Variants in MKX observed in about 807,000 individuals in gnomAD.
MKX encodes homeobox protein Mohawk.
In MKX, 13 loss-of-function variants were observed where a neutral mutation model predicts 36.0. The ratio of observed to expected loss-of-function variants is 0.36; its 90% CI spans 0.24 to 0.57. The LOEUF (loss-of-function observed/expected upper bound fraction) is 0.57. Ranked by LOEUF, MKX falls within the 20% of genes least tolerant of loss-of-function variation. MKX has a pLI of 0.79. For synonymous variants in MKX, 176 were observed against 178.3 expected, an observed-to-expected ratio of 0.99 and a Z score of 0.10; for missense variants, 458 against 456.4, an observed-to-expected ratio of 1.00 and a Z score of -0.03.
chr10:27,698,183 T>G (rs531113745), intron 5 of MKX, among the ~76,000 whole-genome samples: 1 of 152,300 alleles, frequency 6.6e-6, no homozygotes, highest in East Asian at 1.9e-4. Context: ...AAAGGGCAGC[T>G]GGAAAATGAA....
At chr10:27,694,673 C>T (rs369637921) in intron 5 of MKX, among the ~76,000 whole-genome samples, 8 of 130,036 alleles carry the variant, frequency 6.2e-5, no homozygotes, top group East Asian at 2.1e-4. Flanking sequence ...CCAGCCTGGG[C>T]GACAGAGCGA....
At chr10:27,712,348 A>G (rs768666520) in intron 5 of MKX, among the ~76,000 whole-genome samples, 2 of 152,160 alleles carry the variant, frequency 1.3e-5, no homozygotes, top group Non-Finnish European at 2.9e-5. Context: ...CCTTATAAGG[A>G]AGGTGAAGGG....
chr10:27,745,232 C>G lies in MKX; in HGVS notation c.-83+475G>C, dbSNP rs527618589. Among the ~76,000 whole-genome samples, 10 of 152,278 alleles carry G rather than the reference C, an allele frequency of 6.6e-5. No individual in the cohort carries two copies. The South Asian group carries it at 1.9e-3, about 28-fold the overall frequency. ...GACACTTCCCCGGCAGCCCCAAGCC[C>G]ACGCAGAGATCGCAGACACAGACAC... is the stretch of plus-strand genomic sequence containing the variant. On this transcript the variant is annotated intron_variant, in intron 1 of 6. Transcript: ENST00000419761.
At chr10:27,701,786 A>G (rs947632872) in intron 5 of MKX, among the ~76,000 whole-genome samples, 1 of 142,480 alleles carries the variant, frequency 7.0e-6, no homozygotes, top group African/African-American at 2.6e-5. Context: ...AATATACATA[A>G]TATAAAAATA....
At position 27,674,787 on chromosome 10, in the gene MKX, A is replaced by G. The variant is rs1677171629; in HGVS notation, c.*442T>C. 6.5e-6 allele frequency: 1 copy of G among 153,646 alleles called. No individual in the cohort carries two copies. The highest frequency in any genetic ancestry group is 1.5e-5 in the Non-Finnish European group (1 of 68,860). 9.5% of individuals were successfully genotyped at this position (153,646 alleles called of 1,614,324 possible). On this transcript the variant is annotated 3_prime_UTR_variant, in exon 7 of 7. Transcript: ENST00000419761. ...GGAAGATTTCATTTGGGCTGAACAG[A>G]TATCCAAGTTTTAACATATGAATTA...
chr10:27,721,025 C>T (rs185978699), intron 5 of MKX, among the ~76,000 whole-genome samples: 34 of 152,186 alleles, frequency 2.2e-4, no homozygotes, highest in Admixed American at 9.2e-4. Context: ...AATATCCCAA[C>T]CCTACGTAAG....
At chr10:27,693,961 G>A (rs1204871652) in intron 5 of MKX, among the ~76,000 whole-genome samples, 1 of 152,094 alleles carries the variant, frequency 6.6e-6, no homozygotes, top group Non-Finnish European at 1.5e-5. Context: ...TAGTGAATAA[G>A]TCTCATGAAA....
intron 5 of MKX, among the ~76,000 whole-genome samples, chr10:27,722,195 C>G (rs754479553): frequency 3.3e-5 from 5 of 152,180 alleles, no homozygotes; most frequent in Non-Finnish European, 5.9e-5. Context: ...CACGTGACAT[C>G]TACCCTCTTG....
intron 5 of MKX, among the ~76,000 whole-genome samples, chr10:27,697,568 C>A (rs1836577881): frequency 6.6e-6 from 1 of 152,158 alleles, no homozygotes; most frequent in South Asian, 2.1e-4. Flanking sequence ...TGTTAGTCAA[C>A]AATAGGGCTA....
chr10:27,696,849 C>T (rs930776250), intron 5 of MKX, among the ~76,000 whole-genome samples: 2 of 152,114 alleles, frequency 1.3e-5, no homozygotes, highest in Non-Finnish European at 2.9e-5. Flanking sequence ...AAGGTTCTTA[C>T]TCAAGAAGAG....
intron 5 of MKX, among the ~76,000 whole-genome samples, chr10:27,705,187 G>C (rs1468000599): frequency 6.6e-6 from 1 of 152,080 alleles, no homozygotes; most frequent in Non-Finnish European, 1.5e-5. Context: ...CCTTAGTTGA[G>C]TGCAAACAGA....
At chr10:27,714,868 C>A (rs1836935961) in intron 5 of MKX, among the ~76,000 whole-genome samples, 2 of 152,166 alleles carry the variant, frequency 1.3e-5, no homozygotes, top group South Asian at 4.1e-4. Context: ...AATCAAGGTG[C>A]AACTTTATTT....
Position 27,734,775 on chromosome 10 carries a change from T to C in MKX, c.519A>G (p.Pro173=), listed in dbSNP as rs1834715604. 1.2e-6 allele frequency: 2 copies of C among 1,610,846 alleles called. No homozygotes were observed. Among genetic ancestry groups the C allele is most frequent in the Non-Finnish European group, 1.7e-6 (2 of 1,178,026 alleles). ...DSCSEDGENP[P]RTHMNEGGYN... The stretch of plus-strand genomic sequence containing the variant: ...AGCCCCCTTCGTTCATGTGGGTTCT[T>C]GGAGGATTTTCTCCATCTAAAGTGG... The change falls in exon 5 of 7, where the codon CCA becomes CCG. Residue 173 remains proline, a synonymous_variant. Coordinates refer to ENST00000419761, the MANE Select transcript of MKX (RefSeq NM_173576.3).
At chr10:27,719,622 GA>G (rs946783393) in intron 5 of MKX, among the ~76,000 whole-genome samples, 15 of 151,560 alleles carry the variant, frequency 9.9e-5, no homozygotes, top group African/African-American at 3.4e-4. Context: ...GTAGTGATAA[GA>G]AAAAAAAGAT....
At chr10:27,702,195 T>C (rs1334621277) in intron 5 of MKX, among the ~76,000 whole-genome samples, 1 of 152,126 alleles carries the variant, frequency 6.6e-6, no homozygotes, top group Non-Finnish European at 1.5e-5. Context: ...AAGCCACTGA[T>C]AGGCCAGGAA....
At chr10:27,684,957 C>T (rs961397772) in intron 5 of MKX, among the ~76,000 whole-genome samples, 2 of 152,214 alleles carry the variant, frequency 1.3e-5, no homozygotes, top group African/African-American at 4.8e-5. Flanking sequence ...TTATTGAATG[C>T]TTATTCTATG....
intron 5 of MKX, among the ~76,000 whole-genome samples, chr10:27,719,958 C>T (rs1361114337): frequency 7.0e-6 from 1 of 143,272 alleles, no homozygotes; most frequent in Non-Finnish European, 1.5e-5. Context: ...CACTGCACTC[C>T]AGCCTGGGCA....
rs1470870382 is a variant in MKX at position 27,742,168 on chromosome 10, G to A, written c.189-664C>T. Among the ~76,000 whole-genome samples, 1 of 152,212 alleles carries A rather than the reference G, an allele frequency of 6.6e-6. No homozygotes were observed. Among genetic ancestry groups the A allele is most frequent in the African/African-American group, 2.4e-5 (1 of 41,466 alleles). ...TAAGGGAGGGTTAAAAGTACGGCAAGCTCTGTCCCATCATGTAAGGTAAAA... is the reference window on the plus strand; with the variant it reads ...TAAGGGAGGGTTAAAAGTACGGCAAACTCTGTCCCATCATGTAAGGTAAAA... On this transcript the variant is annotated intron_variant, in intron 2 of 6. Coordinates refer to ENST00000419761, the MANE Select transcript of MKX (RefSeq NM_173576.3). This position sits in a 1 kb window ranked among gnomAD's most constrained non-coding sequence, Gnocchi z 4.2.
In MKX at chr10:27,673,941, A is replaced by T. The variant is rs1252119918; in HGVS notation, c.*1288T>A. 6.6e-6 allele frequency: 1 copy of T among 151,880 alleles called. No individual in the cohort carries two copies. The highest frequency in any genetic ancestry group is 1.5e-5 in the Non-Finnish European group (1 of 67,940). 9.4% of individuals were successfully genotyped at this position (151,880 alleles called of 1,614,324 possible). ...CATCATAAAAAGTCAAACCCTTTTTACTTCTCTGTAGCACATACCCTCTGT... is the reference window on the plus strand; with the variant it reads ...CATCATAAAAAGTCAAACCCTTTTTTCTTCTCTGTAGCACATACCCTCTGT... On this transcript the variant is annotated 3_prime_UTR_variant, in exon 7 of 7. Transcript: ENST00000419761.
Sources: gnomAD v4.1 joint callset for allele counts (sites outside exome capture counted in the v4.1 genomes callset) on GRCh38, gnomAD v4.1.1 for gene constraint, Gnocchi (gnomAD v3.1) non-coding constraint, MANE v1.5 for transcripts, NCBI Gene and HGNC (gene_info 2026-07-23, HGNC 2026-07-21) for gene names.